BAIAP2L1: variants seen among roughly 807,000 people sequenced by gnomAD.
BAIAP2L1 encodes BAR/IMD domain-containing adapter protein 2-like 1.
A neutral mutation model predicts 66.3 loss-of-function variants in BAIAP2L1; 35 were observed. That is an observed-to-expected ratio of 0.53 (90% CI 0.40 to 0.70). The LOEUF (loss-of-function observed/expected upper bound fraction) is 0.70. Ranked by LOEUF, BAIAP2L1 falls within the 30% of genes least tolerant of loss-of-function variation. The pLI, the probability that BAIAP2L1 is intolerant of heterozygous loss-of-function variation, is 0.00. For synonymous variants in BAIAP2L1, 269 were observed against 248.7 expected (o/e 1.08, Z -0.77); for missense variants, 622 against 656.9 (o/e 0.95, Z 0.58).
At chr7:98,363,413 C>A (rs2115730744) in intron 1 of BAIAP2L1, among the ~76,000 whole-genome samples, 1 of 152,276 alleles carries the variant, frequency 6.6e-6, no homozygotes, top group Middle Eastern at 3.4e-3. Context: ...CCTGTGCACA[C>A]AGCTAAGGAT....
intron 3 of BAIAP2L1, among the ~76,000 whole-genome samples, chr7:98,331,465 C>CTTTTT (rs34202570): frequency 1.3e-4 from 15 of 115,658 alleles, no homozygotes; most frequent in Admixed American, 2.1e-4. Flanking sequence ...AAAGAAAAAT[C>CTTTTT]TTTTTTTTTT....
intron 3 of BAIAP2L1, among the ~76,000 whole-genome samples, chr7:98,326,491 CG>C (rs1562974576): frequency 1.3e-5 from 2 of 152,132 alleles, no homozygotes; most frequent in Non-Finnish European, 2.9e-5. Flanking sequence ...AACTAACTAG[CG>C]GGTATGCCAC....
intron 12 of BAIAP2L1, 56 bp from the exon 13 acceptor site, chr7:98,294,167 A>T: frequency 6.4e-7 from 1 of 1,574,296 alleles, no homozygotes; most frequent in South Asian, 1.1e-5. Flanking sequence ...TTTAAAAATT[A>T]TTTTAGGTAG....
rs924028365 is a variant in BAIAP2L1, at chr7:98,310,654, C to T, written c.808-62G>A. The T allele has an allele frequency of 3.8e-6, 5 of 1,317,966 alleles. No homozygotes were observed. The African/African-American group carries it at 4.6e-5, about 12-fold the overall frequency. 81.6% of individuals were successfully genotyped at this position (1,317,966 alleles called of 1,614,324 possible). On this transcript the variant is annotated intron_variant, in intron 8 of 13. Transcript: ENST00000005260. The stretch of plus-strand genomic sequence containing the variant: ...GTGCAGAACCGGAATTACACAGATT[C>T]CCAAGGCTGTTTTTTTTTTTTAAAT...
At chr7:98,334,708 G>A (rs1801571903) in intron 3 of BAIAP2L1, among the ~76,000 whole-genome samples, 1 of 151,732 alleles carries the variant, frequency 6.6e-6, no homozygotes, top group African/African-American at 2.4e-5. Flanking sequence ...ACCACGCCCA[G>A]CTACTTTTTG....
chr7:98,380,369 C>T (rs1286061752), intron 1 of BAIAP2L1, among the ~76,000 whole-genome samples: 1 of 152,058 alleles, frequency 6.6e-6, no homozygotes, highest in Non-Finnish European at 1.5e-5. Context: ...ACTTACGGTT[C>T]CACATGGCTG....
chr7:98,360,925 A>G (rs1163412950), intron 2 of BAIAP2L1, among the ~76,000 whole-genome samples: 1 of 152,184 alleles, frequency 6.6e-6, no homozygotes, highest in Admixed American at 6.5e-5. Flanking sequence ...TCCAGCGACT[A>G]CACACAATGG....
At chr7:98,385,354 A>G (rs1317199523) in intron 1 of BAIAP2L1, among the ~76,000 whole-genome samples, 1 of 152,070 alleles carries the variant, frequency 6.6e-6, no homozygotes, top group African/African-American at 2.4e-5. Context: ...AATTGTTCAA[A>G]AACTCCAAAT....
intron 9 of BAIAP2L1, chr7:98,308,395 A>G: frequency 2.4e-6 from 1 of 416,768 alleles, no homozygotes; most frequent in Non-Finnish European, 4.9e-6. Context: ...AAGAAGGACA[A>G]GGTGAGGATG....
intron 11 of BAIAP2L1, 141 bp from the exon 12 acceptor site, chr7:98,304,517 C>G: frequency 1.2e-6 from 1 of 849,258 alleles, no homozygotes; most frequent in East Asian, 2.7e-5. Context: ...CACACAGACA[C>G]ACACAGTACA....
chr7:98,296,634 A>C (rs545793179), intron 12 of BAIAP2L1, among the ~76,000 whole-genome samples: 1 of 152,350 alleles, frequency 6.6e-6, no homozygotes, highest in East Asian at 1.9e-4. Flanking sequence ...TAAAAAACAA[A>C]AAAACAAAAA....
At chr7:98,341,116 T>C (rs1417718696) in intron 3 of BAIAP2L1, among the ~76,000 whole-genome samples, 1 of 152,074 alleles carries the variant, frequency 6.6e-6, no homozygotes, top group East Asian at 1.9e-4. Context: ...TAAAGGCATT[T>C]ATCATGTGCT....
intron 3 of BAIAP2L1, among the ~76,000 whole-genome samples, chr7:98,339,914 C>A (rs575689419): frequency 1.3e-5 from 2 of 152,204 alleles, no homozygotes; most frequent in African/African-American, 4.8e-5. Flanking sequence ...GCGCCACCCC[C>A]CCTCGCCATG....
chr7:98,324,979 G>A (rs544642106), intron 3 of BAIAP2L1, among the ~76,000 whole-genome samples: 98 of 152,162 alleles, frequency 6.4e-4, no homozygotes, highest in Non-Finnish European at 1.1e-3. Context: ...CCTGAGTCAC[G>A]CACTACTTCC....
chr7:98,388,839 C>T (rs1317086838), intron 1 of BAIAP2L1, among the ~76,000 whole-genome samples: 4 of 151,722 alleles, frequency 2.6e-5, no homozygotes, highest in South Asian at 4.2e-4. Context: ...TCAGACTTGG[C>T]GGCACGTGCC....
chr7:98,376,442 T>A (rs1261941051), intron 1 of BAIAP2L1, among the ~76,000 whole-genome samples: 1 of 150,996 alleles, frequency 6.6e-6, no homozygotes, highest in Admixed American at 6.6e-5. Context: ...GCCAGAGAGG[T>A]CGAGGTCACA....
intron 1 of BAIAP2L1, among the ~76,000 whole-genome samples, chr7:98,366,813 T>G (rs1160894404): frequency 2.0e-5 from 3 of 152,202 alleles, no homozygotes; most frequent in East Asian, 1.9e-4. Context: ...TGGCAAAGCC[T>G]CATTACGTAG....
In BAIAP2L1 at chr7:98,355,124, C is replaced by G; in HGVS notation, c.132G>C (p.Met44Ile). 1 of 1,609,210 alleles carries G rather than the reference C, an allele frequency of 6.2e-7. No individual in the cohort carries two copies. The highest frequency in any genetic ancestry group is 8.5e-7 in the Non-Finnish European group (1 of 1,175,670). ...GKNYEKAVNA[M>I]ILAGKAYYDG... ...CGTAGTAGGCTTTTCCTGCCAGGAT[C>G]ATAGCTAGACACAAAAGGTGACACA... Residue 44 changes from methionine to isoleucine, a missense_variant, in exon 3 of 14, where the codon ATG (methionine) becomes ATC (isoleucine). Met to Ile is a conservative substitution (Grantham distance 10). Coordinates refer to ENST00000005260, the MANE Select transcript of BAIAP2L1 (RefSeq NM_018842.5).
chr7:98,369,296 A>G (rs1448012488), intron 1 of BAIAP2L1, among the ~76,000 whole-genome samples: 1 of 152,142 alleles, frequency 6.6e-6, no homozygotes, highest in African/African-American at 2.4e-5. Flanking sequence ...TAGCCTGGGC[A>G]ACGTGGTGAA....
Sources: gnomAD v4.1 joint callset for allele counts (sites outside exome capture counted in the v4.1 genomes callset) on GRCh38, gnomAD v4.1.1 for gene constraint, MANE v1.5 for transcripts, NCBI Gene and HGNC (gene_info 2026-07-23, HGNC 2026-07-21) for gene names.